The following VTI1A variants were observed in gnomAD, a reference collection of about 807,000 sequenced individuals.
VTI1A encodes the protein vesicle transport through interaction with t-SNAREs homolog 1A.
A neutral mutation model predicts 34.9 loss-of-function variants in VTI1A; 22 were observed. That is an observed-to-expected ratio of 0.63 (90% CI 0.45 to 0.90). The LOEUF is 0.90. Among genes scored for constraint, VTI1A ranks in the 40% least tolerant of loss-of-function variants. The pLI is 0.00. For synonymous variants in VTI1A, 87 were observed against 97.3 expected, an observed-to-expected ratio of 0.89 and a Z score of 0.62; for missense variants, 268 against 275.6, an observed-to-expected ratio of 0.97 and a Z score of 0.20.
intron 7 of VTI1A, among the ~76,000 whole-genome samples, chr10:112,786,155 A>G: frequency 6.6e-6 from 1 of 152,188 alleles, no homozygotes; most frequent in Non-Finnish European, 1.5e-5. Flanking sequence ...ATTTCACGGT[A>G]CAGGTCTCAT....
chr10:112,764,822 G>A (rs1305205607), intron 7 of VTI1A, among the ~76,000 whole-genome samples: 1 of 152,104 alleles, frequency 6.6e-6, no homozygotes, highest in Non-Finnish European at 1.5e-5. Flanking sequence ...CTGTATTAGT[G>A]AATATTTGCA....
At chr10:112,599,516 G>C (rs1030208847) in intron 5 of VTI1A, among the ~76,000 whole-genome samples, 1 of 152,154 alleles carries the variant, frequency 6.6e-6, no homozygotes, top group African/African-American at 2.4e-5. Context: ...AGCGCTGAAG[G>C]AGAAGGCCTT....
intron 7 of VTI1A, among the ~76,000 whole-genome samples, chr10:112,690,401 T>C (rs1263034690): frequency 1.3e-5 from 2 of 152,194 alleles, no homozygotes; most frequent in East Asian, 3.9e-4. Context: ...TTCCGGTTGC[T>C]CTCCATCATT....
chr10:112,449,898 C>T (rs1384445159), intron 1 of VTI1A: 1 of 152,048 alleles, frequency 6.6e-6, no homozygotes, highest in African/African-American at 2.4e-5. Flanking sequence ...ATTGAATAAT[C>T]ATAATTCTTT....
At chr10:112,584,450 G>T (rs977189846) in intron 5 of VTI1A, among the ~76,000 whole-genome samples, 2 of 152,156 alleles carry the variant, frequency 1.3e-5, no homozygotes, top group Non-Finnish European at 2.9e-5. Flanking sequence ...GATGACTTTT[G>T]TATCACAAAG....
chr10:112,586,490 A>G (rs1844165164), intron 5 of VTI1A, among the ~76,000 whole-genome samples: 2 of 152,180 alleles, frequency 1.3e-5, no homozygotes, highest in South Asian at 4.1e-4. Flanking sequence ...AATCCTCTGT[A>G]TAAAGCCTAT....
chr10:112,548,522 ACTTAAATGGCCAATTGAAACAAACAGTT>A, intron 5 of VTI1A: 1 of 607,932 alleles, frequency 1.6e-6, no homozygotes, highest in East Asian at 2.8e-5. Flanking sequence ...TTACTACTAA[ACTTAAATGGCCAATTGAAACAAACAGTT>A]CTGAGACCAT....
intron 7 of VTI1A, among the ~76,000 whole-genome samples, chr10:112,770,009 G>T (rs1184419542): frequency 6.6e-6 from 1 of 151,900 alleles, no homozygotes; most frequent in Non-Finnish European, 1.5e-5. Flanking sequence ...CAGAATGCTT[G>T]CATTCTGGAT....
chr10:112,495,105 C>CCACA (rs1848963279), intron 3 of VTI1A, among the ~76,000 whole-genome samples: 1 of 150,700 alleles, frequency 6.6e-6, no homozygotes, highest in Non-Finnish European at 1.5e-5. Flanking sequence ...GAATGTTTTA[C>CCACA]CACAGTATTT....
chr10:112,670,982 G>T (rs1847825093), intron 7 of VTI1A, among the ~76,000 whole-genome samples: 2 of 152,222 alleles, frequency 1.3e-5, no homozygotes, highest in African/African-American at 4.8e-5. Context: ...TAACGTGGCA[G>T]GTTTTCTGGG....
At chr10:112,660,146 G>T (rs1425544485) in intron 5 of VTI1A, among the ~76,000 whole-genome samples, 2 of 152,124 alleles carry the variant, frequency 1.3e-5, no homozygotes, top group African/African-American at 2.4e-5. Context: ...TGTCACCCAG[G>T]TTGGAGTGCG....
intron 3 of VTI1A, among the ~76,000 whole-genome samples, chr10:112,480,226 CAAACT>C (rs778702101): frequency 2.6e-5 from 4 of 152,128 alleles, no homozygotes; most frequent in Non-Finnish European, 4.4e-5. Flanking sequence ...AAACAAATGT[CAAACT>C]AAAGAACAAA....
chr10:112,631,037 G>A (rs1237276833), intron 5 of VTI1A, among the ~76,000 whole-genome samples: 4 of 152,006 alleles, frequency 2.6e-5, no homozygotes, highest in Non-Finnish European at 4.4e-5. Context: ...CAGGAGAATC[G>A]CTTGAACCCG....
At chr10:112,717,895 C>T (rs1420993505) in intron 7 of VTI1A, among the ~76,000 whole-genome samples, 1 of 152,192 alleles carries the variant, frequency 6.6e-6, no homozygotes, top group East Asian at 1.9e-4. Context: ...CCCCGAAGAA[C>T]ATTTTCATCC....
intron 7 of VTI1A, among the ~76,000 whole-genome samples, chr10:112,685,857 C>T (rs1848385879): frequency 6.6e-6 from 1 of 152,130 alleles, no homozygotes; most frequent in Non-Finnish European, 1.5e-5. Context: ...CTTCCTTCTC[C>T]CACTCCTTGA....
intron 5 of VTI1A, among the ~76,000 whole-genome samples, chr10:112,549,575 T>C (rs1851267685): frequency 6.6e-6 from 1 of 152,222 alleles, no homozygotes. Context: ...AACTATCTTT[T>C]TTCCAACCAT....
intron 3 of VTI1A, among the ~76,000 whole-genome samples, chr10:112,489,165 CATATTG>C (rs1848740999): frequency 6.6e-6 from 1 of 152,148 alleles, no homozygotes; most frequent in Non-Finnish European, 1.5e-5. Context: ...TGAAGAGTTT[CATATTG>C]AGGCTGAAGC....
At chr10:112,686,297 A>G (rs1848409539) in intron 7 of VTI1A, among the ~76,000 whole-genome samples, 1 of 152,096 alleles carries the variant, frequency 6.6e-6, no homozygotes, top group Non-Finnish European at 1.5e-5. Flanking sequence ...GCAGTTTGTG[A>G]TGTAAGTTTT....
rs117955893 is a variant in VTI1A, at chr10:112,747,163, G to A, written c.561-68127G>A. ...CTGTTTCCCTCCTCGGGACTCCACC[G>A]GGCCTCCAAACACTTCCCATAAATG... On this transcript the variant is annotated intron_variant, in intron 7 of 7. Coordinates refer to ENST00000393077, the MANE Select transcript of VTI1A (RefSeq NM_145206.4). 1.5e-4 allele frequency among the ~76,000 whole-genome samples: 23 copies of A among 152,318 alleles called. No homozygotes were observed. In the East Asian group the frequency reaches 3.5e-3, roughly 23 times the overall value.
Sources: gnomAD v4.1 joint callset for allele counts (sites outside exome capture counted in the v4.1 genomes callset) on GRCh38, gnomAD v4.1.1 for gene constraint, MANE v1.5 for transcripts, NCBI Gene and HGNC (gene_info 2026-07-23, HGNC 2026-07-21) for gene names.